The following ADSS2 variants were observed in gnomAD, a reference collection of about 807,000 sequenced individuals.
The protein encoded by ADSS2 is adenylosuccinate synthetase isozyme 2.
In ADSS2, 30 loss-of-function variants were observed where a neutral mutation model predicts 60.0. That is an observed-to-expected ratio of 0.50 (90% CI 0.37 to 0.68). The LOEUF is 0.68. ADSS2 is among the 30% of genes least tolerant of loss of function. The probability of loss-of-function intolerance (pLI) is 0.00; values close to 1 mark genes in which losing one functional copy is unlikely to be tolerated. For missense variants in ADSS2, 373 were observed against 554.8 expected, an observed-to-expected ratio of 0.67 and a Z score of 3.29; for synonymous variants, 187 against 193.1, an observed-to-expected ratio of 0.97 and a Z score of 0.26.
rs1036798653 is a variant in ADSS2 at position 244,416,091 on chromosome 1, G to T, written c.1071-13C>A. On this transcript the variant is annotated splice_polypyrimidine_tract_variant and intron_variant, in intron 10 of 12. Transcript: ENST00000366535. ...GGTAAGTGCCAACCTAATTTTGGAA[G>T]AAAAGGCAATGTTAAAAGAGCAGAC... The T allele has an allele frequency of 6.3e-7, 1 of 1,586,220 alleles. No individual in the cohort carries two copies. Among genetic ancestry groups the T allele is most frequent in the Non-Finnish European group, 8.6e-7 (1 of 1,156,306 alleles).
intron 4 of ADSS2, among the ~76,000 whole-genome samples, chr1:244,431,549 C>T (rs1664944720): frequency 6.6e-6 from 1 of 152,132 alleles, no homozygotes; most frequent in Admixed American, 6.5e-5. Flanking sequence ...CACTAACAAA[C>T]AGCTATCAAA....
intron 11 of ADSS2, among the ~76,000 whole-genome samples, chr1:244,415,455 A>T (rs1453901418): frequency 6.6e-6 from 1 of 152,270 alleles, no homozygotes; most frequent in African/African-American, 2.4e-5. Flanking sequence ...AGGTAGTCAC[A>T]AAACCTACCA....
intron 4 of ADSS2, among the ~76,000 whole-genome samples, chr1:244,431,029 G>T (rs1473876298): frequency 6.6e-6 from 1 of 152,054 alleles, no homozygotes; most frequent in Non-Finnish European, 1.5e-5. Context: ...TGAGGCAGAA[G>T]AATCACTTGA....
At chr1:244,439,880 G>A (rs937145930) in intron 1 of ADSS2, among the ~76,000 whole-genome samples, 14 of 152,186 alleles carry the variant, frequency 9.2e-5, no homozygotes, top group African/African-American at 1.7e-4. Flanking sequence ...CGCTCCTTCC[G>A]TGGGCACTGG....
intron 1 of ADSS2, among the ~76,000 whole-genome samples, chr1:244,450,641 C>G (rs937715889): frequency 1.1e-4 from 16 of 152,150 alleles, no homozygotes; most frequent in Non-Finnish European, 1.8e-4. Context: ...TTACATTATG[C>G]TTTGTTTTGA....
At chr1:244,436,457 C>G (rs1665103411) in intron 3 of ADSS2, among the ~76,000 whole-genome samples, 1 of 152,150 alleles carries the variant, frequency 6.6e-6, no homozygotes, top group Non-Finnish European at 1.5e-5. Flanking sequence ...CAAAAATTCC[C>G]TTTTATCCCT....
chr1:244,426,047 A>G (rs978591827), intron 4 of ADSS2, among the ~76,000 whole-genome samples: 10 of 152,198 alleles, frequency 6.6e-5, no homozygotes, highest in African/African-American at 1.9e-4. Flanking sequence ...CTTTATGTAA[A>G]CAATAATTCT....
chr1:244,432,413 G>A (rs1166529198), intron 4 of ADSS2, 132 bp downstream of exon 4: 2 of 617,802 alleles, frequency 3.2e-6, no homozygotes, highest in East Asian at 3.5e-5. Flanking sequence ...TTTGTATTTA[G>A]AACTCAATTA....
intron 1 of ADSS2, among the ~76,000 whole-genome samples, chr1:244,444,826 G>A (rs1407260352): frequency 6.6e-6 from 1 of 152,004 alleles, no homozygotes; most frequent in Non-Finnish European, 1.5e-5. Context: ...TTAGAGTTTT[G>A]GAAAACAATT....
At chr1:244,418,658 C>G in intron 9 of ADSS2, 102 bp downstream of exon 9, 1 of 1,228,160 alleles carries the variant, frequency 8.1e-7, no homozygotes, top group Non-Finnish European at 1.1e-6. Context: ...TCTGACCAAT[C>G]TTGCAAATTA....
At chr1:244,430,029 A>G (rs1463904311) in intron 4 of ADSS2, among the ~76,000 whole-genome samples, 1 of 152,142 alleles carries the variant, frequency 6.6e-6, no homozygotes, top group Admixed American at 6.5e-5. Flanking sequence ...ACTAACACCT[A>G]CATTTCAGTC....
chr1:244,426,834 T>A (rs895980802), intron 4 of ADSS2, among the ~76,000 whole-genome samples: 5 of 152,146 alleles, frequency 3.3e-5, no homozygotes, highest in African/African-American at 1.2e-4. Flanking sequence ...TCTGAGTTAC[T>A]ATTTCTCCTC....
In ADSS2 at chr1:244,422,963, T is replaced by C. The variant is rs1664709837; in HGVS notation, c.582-47A>G. The C allele has an allele frequency of 9.9e-6, 12 of 1,208,136 alleles. No homozygotes were observed. The East Asian group carries it at 2.9e-4, about 29-fold the overall frequency. The allele number at this position is 1,208,136 out of a possible 1,614,324, so 74.8% of individuals were successfully genotyped here. A position where few individuals can be genotyped will look rare whatever the true frequency, so the allele number is the denominator to read the frequency against. ...AGACATTACCACTCTGTGAAAAATA[T>C]TTCAAATAATATCATTTCATTCAAA... is the stretch of plus-strand genomic sequence containing the variant. On this transcript the variant is annotated intron_variant, in intron 6 of 12. Transcript: ENST00000366535.
intron 6 of ADSS2, among the ~76,000 whole-genome samples, chr1:244,423,701 A>G (rs1664726363): frequency 6.6e-6 from 1 of 152,168 alleles, no homozygotes; most frequent in Admixed American, 6.5e-5. Flanking sequence ...CCATATTTCA[A>G]TTCTTAAATA....
At chr1:244,410,502 A>AT (rs1428427473) in intron 12 of ADSS2, among the ~76,000 whole-genome samples, 1 of 59,226 alleles carries the variant, frequency 1.7e-5, no homozygotes, top group Non-Finnish European at 3.3e-5. Flanking sequence ...ATTTTTAAAA[A>AT]TTTTTTCTTA....
intron 11 of ADSS2, among the ~76,000 whole-genome samples, chr1:244,412,293 T>C (rs1179051921): frequency 6.6e-6 from 1 of 152,230 alleles, no homozygotes; most frequent in African/African-American, 2.4e-5. Flanking sequence ...CAGATGTTGT[T>C]GCTCAGTGCA....
chr1:244,450,524 C>T (rs776817682), intron 1 of ADSS2, among the ~76,000 whole-genome samples: 3 of 152,216 alleles, frequency 2.0e-5, no homozygotes, highest in Non-Finnish European at 2.9e-5. Flanking sequence ...TTCAAGGGGG[C>T]CTATAACTTA....
At chr1:244,418,531 A>C (rs1312215471) in intron 9 of ADSS2, among the ~76,000 whole-genome samples, 1 of 152,004 alleles carries the variant, frequency 6.6e-6, no homozygotes, top group Non-Finnish European at 1.5e-5. Flanking sequence ...ATGTTGCCCC[A>C]GCTGATCTTG....
chr1:244,414,050 C>T (rs1664475818), intron 11 of ADSS2, among the ~76,000 whole-genome samples: 1 of 152,118 alleles, frequency 6.6e-6, no homozygotes, highest in South Asian at 2.1e-4. Context: ...CGTAACTACA[C>T]ACAAAGCATA....
Sources: gnomAD v4.1 joint callset for allele counts (sites outside exome capture counted in the v4.1 genomes callset) on GRCh38, gnomAD v4.1.1 for gene constraint, MANE v1.5 for transcripts, NCBI Gene and HGNC (gene_info 2026-07-23, HGNC 2026-07-21) for gene names.